The following ARID4A variants were observed in gnomAD, a reference collection of about 807,000 sequenced individuals.
The protein encoded by ARID4A is AT-rich interaction domain 4A, also known as AT-rich interactive domain-containing protein 4A.
ARID4A carries 39 observed loss-of-function variants against 148.6 expected under a neutral mutation model. The ratio of observed to expected loss-of-function variants is 0.26; its 90% CI spans 0.20 to 0.34. The LOEUF is 0.34. ARID4A is among the 10% of genes least tolerant of loss of function. The pLI is 1.00. For synonymous variants in ARID4A, 475 were observed against 481.2 expected, an observed-to-expected ratio of 0.99 and a Z score of 0.17; for missense variants, 1,265 against 1,449.1, an observed-to-expected ratio of 0.87 and a Z score of 2.06.
At chr14:58,371,044 C>T (rs1368085537) in intron 23 of ARID4A, among the ~76,000 whole-genome samples, 1 of 152,100 alleles carries the variant, frequency 6.6e-6, no homozygotes, top group Non-Finnish European at 1.5e-5. Flanking sequence ...AATTCCAGCA[C>T]TTTGGGAGGC....
intron 15 of ARID4A, among the ~76,000 whole-genome samples, chr14:58,349,219 T>G (rs1020568843): frequency 1.3e-5 from 2 of 152,236 alleles, no homozygotes; most frequent in Admixed American, 6.5e-5. Flanking sequence ...TTTTATTGTA[T>G]GTATTGTGGA....
At chr14:58,359,324 G>C (rs1170050235) in intron 18 of ARID4A, 108 bp downstream of exon 18, 20 of 1,084,828 alleles carry the variant, frequency 1.8e-5, no homozygotes, top group Non-Finnish European at 2.6e-5. Context: ...CCAAGATTGA[G>C]AGCAAGGTAT....
chr14:58,330,126 A>G lies in ARID4A; in HGVS notation c.863A>G (p.Asp288Gly). 6.2e-7 allele frequency: 1 copy of G among 1,613,324 alleles called. No individual in the cohort carries two copies. The highest frequency in any genetic ancestry group is 8.5e-7 in the Non-Finnish European group (1 of 1,179,798). The change falls in exon 11 of 24, where the codon GAT (aspartate) becomes GGT (glycine). Residue 288 changes from aspartate to glycine, a missense_variant. Transcript: ENST00000355431. Reference protein sequence around the residue: ...DDEDGPAEENDEEKEKEAKKT... With the variant: ...DDEDGPAEENGEEKEKEAKKT... ...GAAGATGGCCCAGCTGAAGAAAATG[A>G]TGAAGAGAAGGAAAAGGAGGCCAAA...
At position 58,300,689 on chromosome 14, in the gene ARID4A, A is replaced by G. The variant is rs1361121466; in HGVS notation, c.6+829A>G. Among the ~76,000 whole-genome samples, 3 of 152,256 alleles carry G rather than the reference A, an allele frequency of 2.0e-5. No individual in the cohort carries two copies. The South Asian group carries it at 6.2e-4, about 32-fold the overall frequency. Reference sequence around the variant, plus strand: ...ACCTTCTTTAATATTACTTGGGAAAACTTATTAGAAAACAAAAAATCATTT... The same window carrying G: ...ACCTTCTTTAATATTACTTGGGAAAGCTTATTAGAAAACAAAAAATCATTT... On this transcript the variant is annotated intron_variant, in intron 2 of 23. Coordinates refer to ENST00000355431, the MANE Select transcript of ARID4A (RefSeq NM_002892.4).
Position 58,346,782 on chromosome 14 carries a change from G to T in ARID4A, c.1075-238G>T, listed in dbSNP as rs10131627. The stretch of plus-strand genomic sequence containing the variant: ...ATCTCTACAGAAAATACAAAAATTA[G>T]CCAGGCATGGTGTCGCATGCCTGTG... On this transcript the variant is annotated intron_variant, in intron 13 of 23. Transcript: ENST00000355431. Among the ~76,000 whole-genome samples, 6 of 150,842 alleles carry T rather than the reference G, an allele frequency of 4.0e-5. 1 individual carries two copies. Among genetic ancestry groups the T allele is most frequent in the African/African-American group, 1.5e-4 (6 of 41,168 alleles).
rs372337036 is a variant in ARID4A, at chr14:58,329,985, G to A, written c.740-18G>A. 1 of 1,592,884 alleles carries A rather than the reference G, an allele frequency of 6.3e-7. No homozygotes were observed. The highest frequency in any genetic ancestry group is 1.4e-5 in the African/African-American group (1 of 73,604). On this transcript the variant is annotated intron_variant, in intron 10 of 23. Coordinates refer to ENST00000355431, the MANE Select transcript of ARID4A (RefSeq NM_002892.4). ...TGCCAATTCCATAGCAACTGCTGAAGTACATTTTCACTCTTAGGGCTTCAG... is the reference window on the plus strand; with the variant it reads ...TGCCAATTCCATAGCAACTGCTGAAATACATTTTCACTCTTAGGGCTTCAG...
At chr14:58,360,501 T>G (rs1202000269) in intron 18 of ARID4A, among the ~76,000 whole-genome samples, 1 of 152,214 alleles carries the variant, frequency 6.6e-6, no homozygotes, top group Admixed American at 6.5e-5. Context: ...GCCCATTGTT[T>G]TGTCTACTGG....
intron 11 of ARID4A, among the ~76,000 whole-genome samples, chr14:58,331,810 A>G (rs1214431634): frequency 1.3e-5 from 2 of 152,164 alleles, no homozygotes; most frequent in Non-Finnish European, 2.9e-5. Flanking sequence ...ATTTATTTAT[A>G]GATTATATGT....
chr14:58,329,686 C>G, intron 10 of ARID4A, 82 bp downstream of exon 10: 1 of 1,199,034 alleles, frequency 8.3e-7, no homozygotes, highest in South Asian at 1.3e-5. Context: ...CTGATACTCT[C>G]TGGTACCACC....
chr14:58,355,993 T>C (rs997279952), intron 17 of ARID4A, among the ~76,000 whole-genome samples: 1 of 152,226 alleles, frequency 6.6e-6, no homozygotes, highest in African/African-American at 2.4e-5. Context: ...TTTTTCGTTG[T>C]TCTTCTCTAC....
chr14:58,321,964 TG>T (rs2097965772), intron 7 of ARID4A, among the ~76,000 whole-genome samples: 4 of 151,212 alleles, frequency 2.6e-5, no homozygotes, highest in African/African-American at 9.7e-5. Context: ...TTGTTTTTTT[TG>T]GTTTTTTGTT....
intron 2 of ARID4A, among the ~76,000 whole-genome samples, chr14:58,300,940 T>TA (rs1315171282): frequency 2.0e-5 from 3 of 152,216 alleles, no homozygotes; most frequent in African/African-American, 7.2e-5. Flanking sequence ...TTGCTGAAAG[T>TA]AGATGTTTCT....
At chr14:58,315,726 A>T (rs1306315018) in intron 5 of ARID4A, among the ~76,000 whole-genome samples, 1 of 152,254 alleles carries the variant, frequency 6.6e-6, no homozygotes, top group Non-Finnish European at 1.5e-5. Context: ...ACTTGACACT[A>T]TATGAATCAT....
chr14:58,353,449 T>C (rs905134629), intron 16 of ARID4A: 43 of 429,380 alleles, frequency 1.0e-4, no homozygotes, highest in Non-Finnish European at 1.4e-4. Context: ...AGTATGGATT[T>C]ACTTTGGGTA....
At chr14:58,329,937 A>T (rs950983129) in intron 10 of ARID4A, 66 bp from the exon 11 acceptor site, 1 of 1,530,734 alleles carries the variant, frequency 6.5e-7, no homozygotes, top group Admixed American at 2.4e-5. Context: ...TCTGAATGCC[A>T]TGCCTTTTCT....
chr14:58,318,528 T>G lies in ARID4A; in HGVS notation c.275-14T>G. 6.2e-7 allele frequency: 1 copy of G among 1,613,162 alleles called. No homozygotes were observed. The highest frequency in any genetic ancestry group is 8.5e-7 in the Non-Finnish European group (1 of 1,179,228). Reference sequence around the variant, plus strand: ...AGTGTGCATAAATTCTCTGTTATCTTTTGCTTATTATAGTGTTTGATGATG... The same window carrying G: ...AGTGTGCATAAATTCTCTGTTATCTGTTGCTTATTATAGTGTTTGATGATG... On this transcript the variant is annotated splice_polypyrimidine_tract_variant and intron_variant, in intron 5 of 23. Coordinates refer to ENST00000355431, the MANE Select transcript of ARID4A (RefSeq NM_002892.4).
In ARID4A at chr14:58,372,317, G is replaced by A. The variant is rs775846971; in HGVS notation, c.*328G>A. On this transcript the variant is annotated 3_prime_UTR_variant, in exon 24 of 24. Transcript: ENST00000355431. ...AAAGCTTTCAGGTGTTACAGAAATC[G>A]TAGACAAGCAAGTGCACATGATAAA... The A allele has an allele frequency of 5.3e-5, 15 of 283,100 alleles. No individual in the cohort carries two copies. The highest frequency in any genetic ancestry group is 1.1e-4 in the East Asian group (2 of 18,058). 17.5% of individuals were successfully genotyped at this position (283,100 alleles called of 1,614,324 possible).
intron 11 of ARID4A, among the ~76,000 whole-genome samples, chr14:58,343,682 T>C (rs1015569970): frequency 1.3e-5 from 2 of 151,936 alleles, no homozygotes; most frequent in Admixed American, 1.3e-4. Flanking sequence ...TACAAAAAAT[T>C]AGCCAGGTGT....
intron 5 of ARID4A, among the ~76,000 whole-genome samples, chr14:58,311,478 C>T (rs944465608): frequency 6.6e-6 from 1 of 151,984 alleles, no homozygotes; most frequent in Non-Finnish European, 1.5e-5. Context: ...AATCCTTGCC[C>T]GCCATTGGTG....
Sources: allele counts gnomAD v4.1 joint callset (sites outside exome capture counted in the v4.1 genomes callset), GRCh38; gene constraint gnomAD v4.1.1; transcripts MANE v1.5; gene names NCBI Gene and HGNC (gene_info 2026-07-23, HGNC 2026-07-21).